Variants in MRTFB observed in about 807,000 individuals in gnomAD.
MRTFB encodes the protein myocardin-related transcription factor B.
A neutral mutation model predicts 104.2 loss-of-function variants in MRTFB; 29 were observed. The observed-to-expected ratio is 0.28, with a 90% confidence interval of 0.21 to 0.38. The LOEUF is 0.38. Ranked by LOEUF, MRTFB falls within the 10% of genes least tolerant of loss-of-function variation. The pLI, the probability that MRTFB is intolerant of heterozygous loss-of-function variation, is 1.00. For missense variants in MRTFB, 1,270 were observed against 1,341.6 expected (o/e 0.95, Z 0.83); for synonymous variants, 535 against 519.5 (o/e 1.03, Z -0.41).
At chr16:14,116,110 A>G (rs2036528244) in intron 2 of MRTFB, among the ~76,000 whole-genome samples, 1 of 150,710 alleles carries the variant, frequency 6.6e-6, no homozygotes, top group African/African-American at 2.4e-5. Flanking sequence ...ATCATTCAAA[A>G]CTCATTATGA....
chr16:14,006,291 C>T, the MRTFB span, among the ~76,000 whole-genome samples: 4 of 151,726 alleles, frequency 2.6e-5, no homozygotes, highest in Admixed American at 1.3e-4. Flanking sequence ...TGCAGCGAGC[C>T]GAGATTGTGT....
chr16:14,037,187 T>C, the MRTFB span, among the ~76,000 whole-genome samples: 2 of 152,202 alleles, frequency 1.3e-5, no homozygotes, highest in African/African-American at 4.8e-5. Context: ...CATGTCACTG[T>C]TGGTGATGTC....
intron 3 of MRTFB, chr16:14,143,617 C>T (rs1460667790): frequency 1.3e-5 from 2 of 151,244 alleles, no homozygotes; most frequent in Non-Finnish European, 2.9e-5. Flanking sequence ...CCCAGTAACT[C>T]GTCATTTAAC....
chr16:14,244,983 A>G (rs1036507294), intron 10 of MRTFB, among the ~76,000 whole-genome samples: 5 of 152,174 alleles, frequency 3.3e-5, no homozygotes, highest in African/African-American at 9.7e-5. Flanking sequence ...CATAATTCAC[A>G]TGTAGATTTT....
intron 8 of MRTFB, among the ~76,000 whole-genome samples, chr16:14,230,639 A>G (rs1177810070): frequency 2.6e-5 from 4 of 152,284 alleles, no homozygotes; most frequent in African/African-American, 9.6e-5. Context: ...AACAACAGGT[A>G]CTGGAGAGGA....
At chr16:14,230,485 C>G (rs2042208822) in intron 8 of MRTFB, among the ~76,000 whole-genome samples, 1 of 152,104 alleles carries the variant, frequency 6.6e-6, no homozygotes, top group Non-Finnish European at 1.5e-5. Context: ...CATGAACAGA[C>G]ACTTCTCAAA....
intron 2 of MRTFB, among the ~76,000 whole-genome samples, chr16:14,099,985 T>C (rs1159469481): frequency 6.6e-6 from 1 of 152,194 alleles, no homozygotes; most frequent in Non-Finnish European, 1.5e-5. Context: ...TTTTCTATAC[T>C]CACTACTAGC....
intron 3 of MRTFB, among the ~76,000 whole-genome samples, chr16:14,197,728 A>G (rs548684378): frequency 1.1e-4 from 16 of 152,306 alleles, no homozygotes; most frequent in African/African-American, 3.8e-4. Context: ...GAGGCAAAAT[A>G]TAGATATCTA....
chr16:14,227,183 G>T (rs914792806), intron 8 of MRTFB, among the ~76,000 whole-genome samples: 1 of 151,996 alleles, frequency 6.6e-6, no homozygotes, highest in Non-Finnish European at 1.5e-5. Context: ...GGATGCATTC[G>T]GGTCATGGGG....
intron 2 of MRTFB, among the ~76,000 whole-genome samples, chr16:14,108,221 T>C (rs2036092405): frequency 6.6e-6 from 1 of 152,180 alleles, no homozygotes; most frequent in Non-Finnish European, 1.5e-5. Context: ...TAAAGAACAT[T>C]CAGGAAATGG....
chr16:14,223,426 AT>A (rs986412412), intron 8 of MRTFB, among the ~76,000 whole-genome samples: 80 of 152,300 alleles, frequency 5.3e-4, no homozygotes, highest in Non-Finnish European at 4.6e-4. Flanking sequence ...CTTTAAAGTA[AT>A]TATCTTAAAT....
At chr16:14,225,079 G>A (rs536385464) in intron 8 of MRTFB, among the ~76,000 whole-genome samples, 36 of 152,108 alleles carry the variant, frequency 2.4e-4, no homozygotes, top group Non-Finnish European at 4.4e-4. Flanking sequence ...CCAGCTACTC[G>A]GGAGGCTGAG....
chr16:14,245,540 C>G lies in MRTFB; in HGVS notation c.1092C>G (p.Asp364Glu). 1 of 1,610,320 alleles carries G rather than the reference C, an allele frequency of 6.2e-7. No homozygotes were observed. Among genetic ancestry groups the G allele is most frequent in the Non-Finnish European group, 8.5e-7 (1 of 1,178,940 alleles). Reference sequence around the variant, plus strand: ...TTTTCTTTTGAAGGCCACTCAATGACAAAAATAGTAACAGTGGGAATTCAG... The same window carrying G: ...TTTTCTTTTGAAGGCCACTCAATGAGAAAAATAGTAACAGTGGGAATTCAG... The part of the protein sequence containing the change: ...ILPAPFKPLN[D>E]KNSNSGNSAL... Residue 364 changes from aspartate (D) to glutamate (E), a missense_variant, in exon 11 of 17, where the codon GAC becomes GAG. By Grantham distance (45) the Asp-to-Glu change is conservative. Coordinates refer to ENST00000571589, the MANE Select transcript of MRTFB (RefSeq NM_001308142.2).
intron 2 of MRTFB, among the ~76,000 whole-genome samples, chr16:14,079,658 C>T (rs1402245278): frequency 1.3e-5 from 2 of 152,064 alleles, no homozygotes; most frequent in Admixed American, 1.3e-4. Context: ...GTTATATATA[C>T]TTGCAACATT....
the MRTFB span, among the ~76,000 whole-genome samples, chr16:14,033,932 TTAAGAGGGC>T: frequency 5.9e-5 from 9 of 151,940 alleles, no homozygotes; most frequent in African/African-American, 2.2e-4. Context: ...AATCCACCAT[TTAAGAGGGC>T]TAGGCAATGG....
At position 14,223,153 on chromosome 16, in the gene MRTFB, A is replaced by G. The variant is rs1301649886; in HGVS notation, c.693+4155A>G. On this transcript the variant is annotated intron_variant, in intron 8 of 16. Coordinates refer to ENST00000571589, the MANE Select transcript of MRTFB (RefSeq NM_001308142.2). Reference sequence around the variant, plus strand: ...GAGACCCCATCTCTACTAAAAATACAAAAAGAAATAGCTGGGCGTGGTAGT... The same window carrying G: ...GAGACCCCATCTCTACTAAAAATACGAAAAGAAATAGCTGGGCGTGGTAGT... 2.0e-5 allele frequency among the ~76,000 whole-genome samples: 3 copies of G among 152,276 alleles called. No homozygotes were observed. In the East Asian group the frequency reaches 5.8e-4, roughly 29 times the overall value.
intron 3 of MRTFB, among the ~76,000 whole-genome samples, chr16:14,169,305 T>C (rs2039347789): frequency 8.5e-5 from 13 of 152,214 alleles, no homozygotes. Flanking sequence ...TGCTTCTCCT[T>C]CTTATGTTCT....
chr16:14,227,269 CTTG>C (rs1181925058), intron 8 of MRTFB, among the ~76,000 whole-genome samples: 3 of 148,290 alleles, frequency 2.0e-5, no homozygotes, highest in Non-Finnish European at 4.4e-5. Flanking sequence ...CCCGTGAGAG[CTTG>C]TTGTTAAAAA....
chr16:14,196,412 T>C (rs538450365), intron 3 of MRTFB, among the ~76,000 whole-genome samples: 3 of 152,234 alleles, frequency 2.0e-5, no homozygotes, highest in African/African-American at 7.2e-5. Context: ...ATTGTGGGAC[T>C]TCCTTACAGG....
Sources: allele counts gnomAD v4.1 joint callset (sites outside exome capture counted in the v4.1 genomes callset), GRCh38; gene constraint gnomAD v4.1.1; transcripts MANE v1.5; gene names NCBI Gene and HGNC (gene_info 2026-07-23, HGNC 2026-07-21).